The following FYB2 variants were observed in gnomAD, a reference collection of about 807,000 sequenced individuals.
FYB2 encodes the protein FYN-binding protein 2.
A neutral mutation model predicts 94.1 loss-of-function variants in FYB2; 103 were observed. The ratio of observed to expected loss-of-function variants is 1.09; its 90% CI spans 0.93 to 1.29. FYB2 has a LOEUF of 1.29. FYB2 is among the 50% of genes most tolerant of loss of function. The pLI, the probability that FYB2 is intolerant of heterozygous loss-of-function variation, is 0.00. For synonymous variants in FYB2, 293 were observed against 287.9 expected (o/e 1.02, Z -0.18); for missense variants, 896 against 841.5 (o/e 1.06, Z -0.80).
chr1:56,774,600 G>A (rs192873197), intron 4 of FYB2, among the ~76,000 whole-genome samples: 13 of 151,836 alleles, frequency 8.6e-5, no homozygotes, highest in South Asian at 4.2e-4. Context: ...ATAAATATAC[G>A]TACATGTATA....
intron 15 of FYB2, among the ~76,000 whole-genome samples, chr1:56,735,367 T>C (rs1644807232): frequency 6.6e-6 from 1 of 152,100 alleles, no homozygotes; most frequent in Admixed American, 6.6e-5. Context: ...AATAGAAAGT[T>C]AAGCACGACA....
chr1:56,825,266 G>C, the FYB2 span: 1 of 152,200 alleles, frequency 6.6e-6, no homozygotes, highest in African/African-American at 2.4e-5. Flanking sequence ...CTCAGAGAAA[G>C]GATTTCATCA....
chr1:56,719,744 A>T, intron 19 of FYB2, 52 bp from the exon 20 acceptor site: 1 of 1,414,660 alleles, frequency 7.1e-7, no homozygotes, highest in Non-Finnish European at 9.8e-7. Context: ...ACAATGAAAC[A>T]GTTGAGTGGG....
At chr1:56,734,886 T>G (rs1329882608) in intron 15 of FYB2, among the ~76,000 whole-genome samples, 6 of 151,762 alleles carry the variant, frequency 4.0e-5, no homozygotes. Flanking sequence ...ACCAGGGAAA[T>G]GCAAATCAAA....
At chr1:56,817,557 C>A (rs1342155350) in intron 1 of FYB2, among the ~76,000 whole-genome samples, 1 of 152,194 alleles carries the variant, frequency 6.6e-6, no homozygotes, top group Non-Finnish European at 1.5e-5. Context: ...AGGCAGGTAT[C>A]TTCAACCGTT....
chr1:56,793,696 A>T (rs1335007227), intron 1 of FYB2, among the ~76,000 whole-genome samples: 4 of 147,088 alleles, frequency 2.7e-5, no homozygotes, highest in Non-Finnish European at 6.0e-5. Flanking sequence ...TTACCCATGT[A>T]ACAAACATGT....
intron 1 of FYB2, among the ~76,000 whole-genome samples, chr1:56,804,964 A>T (rs1646608585): frequency 6.6e-6 from 1 of 152,120 alleles, no homozygotes; most frequent in South Asian, 2.1e-4. Flanking sequence ...GCCTCTGTGC[A>T]TCTGCTGTTG....
chr1:56,734,540 A>G (rs1444163948), intron 15 of FYB2, among the ~76,000 whole-genome samples: 2 of 152,066 alleles, frequency 1.3e-5, no homozygotes, highest in African/African-American at 4.8e-5. Context: ...GGAAACCATC[A>G]TCCTCAGCAA....
intron 4 of FYB2, among the ~76,000 whole-genome samples, chr1:56,782,151 A>C (rs935541550): frequency 1.3e-5 from 2 of 152,170 alleles, no homozygotes; most frequent in African/African-American, 4.8e-5. Context: ...TTTGAAATGT[A>C]CAATAGATTA....
At chr1:56,768,150 C>A (rs150318615) in intron 4 of FYB2, among the ~76,000 whole-genome samples, 64 of 152,162 alleles carry the variant, frequency 4.2e-4, no homozygotes, top group Non-Finnish European at 7.1e-4. Context: ...TTATACAGTC[C>A]ACACAGAAAT....
At chr1:56,772,204 C>T (rs1462871638) in intron 4 of FYB2, among the ~76,000 whole-genome samples, 2 of 151,894 alleles carry the variant, frequency 1.3e-5, no homozygotes, top group South Asian at 4.2e-4. Flanking sequence ...TAATAAGAAA[C>T]AATTTGGGGA....
chr1:56,719,539 T>C lies in FYB2; in HGVS notation c.*132A>G. ...TTGTTTTTATTTTTCTCTTTTAAGT[T>C]CAGAACGAAAGTTTCCACAGATTCC... On this transcript the variant is annotated 3_prime_UTR_variant, in exon 20 of 20. Transcript: ENST00000343433. The C allele has an allele frequency of 1.3e-6, 1 of 754,368 alleles. No homozygotes were observed. The highest frequency in any genetic ancestry group is 2.1e-6 in the Non-Finnish European group (1 of 479,816). 46.7% of individuals were successfully genotyped at this position (754,368 alleles called of 1,614,324 possible).
intron 5 of FYB2, among the ~76,000 whole-genome samples, chr1:56,759,119 T>C (rs1645426536): frequency 6.6e-6 from 1 of 152,212 alleles, no homozygotes. Context: ...TTCAACAAAA[T>C]GAATTCTCTA....
Position 56,751,046 on chromosome 1 carries a change from TG to T in FYB2, c.1384del (p.His462ThrfsTer17). ...GATCAGAAAGAAATGCAACTTACAG[TG>T]GCCTTGGGAGTGCCTGGCCAGCTTT... Reference protein sequence around the residue: ...GPKLARHSQGHCGHLEVLEST... With the variant: ...GPKLARHSQGXCGHLEVLEST... On this transcript the variant is annotated frameshift_variant, in exon 9 of 20. Coordinates refer to ENST00000343433, the MANE Select transcript of FYB2 (RefSeq NM_001004303.5). LOFTEE classifies it high-confidence loss of function. 6.2e-7 allele frequency: 1 copy of T among 1,610,330 alleles called. No homozygotes were observed. The highest frequency in any genetic ancestry group is 8.5e-7 in the Non-Finnish European group (1 of 1,177,958).
At chr1:56,738,326 C>T (rs1644875460) in intron 14 of FYB2, among the ~76,000 whole-genome samples, 2 of 152,148 alleles carry the variant, frequency 1.3e-5, no homozygotes, top group South Asian at 2.1e-4. Context: ...AATACAAATC[C>T]TGGATCACTT....
chr1:56,726,385 G>T, intron 16 of FYB2, 112 bp downstream of exon 16: 2 of 894,004 alleles, frequency 2.2e-6, no homozygotes, highest in Non-Finnish European at 3.5e-6. Flanking sequence ...TTCTCATCTT[G>T]TAGATGAAAC....
intron 1 of FYB2, among the ~76,000 whole-genome samples, chr1:56,795,638 C>CTG (rs545166474): frequency 4.1e-5 from 6 of 147,806 alleles, no homozygotes; most frequent in Non-Finnish European, 9.0e-5. Context: ...TTCACCAACA[C>CTG]TTTTTTTTTT....
At chr1:56,774,187 T>C (rs569174185) in intron 4 of FYB2, among the ~76,000 whole-genome samples, 2 of 152,220 alleles carry the variant, frequency 1.3e-5, no homozygotes, top group East Asian at 3.9e-4. Context: ...AATCAATGAA[T>C]CAGTAGAGCA....
At position 56,751,059 on chromosome 1, in the gene FYB2, G is replaced by A; in HGVS notation, c.1372C>T (p.His458Tyr). Reference protein sequence around the residue: ...PCPEGPKLARHSQGHCGHLEV... With the variant: ...PCPEGPKLARYSQGHCGHLEV... The stretch of plus-strand genomic sequence containing the variant: ...TGCAACTTACAGTGGCCTTGGGAGT[G>A]CCTGGCCAGCTTTGGGCCCTCAGGG... Residue 458 changes from histidine to tyrosine, a missense_variant, in exon 9 of 20, where the codon CAC becomes TAC. His to Tyr is a moderately conservative substitution (Grantham distance 83). Coordinates refer to ENST00000343433, the MANE Select transcript of FYB2 (RefSeq NM_001004303.5). 2.5e-6 allele frequency: 4 copies of A among 1,612,442 alleles called. No individual in the cohort carries two copies. The highest frequency in any genetic ancestry group is 3.4e-6 in the Non-Finnish European group (4 of 1,179,014).
Sources: allele counts gnomAD v4.1 joint callset (sites outside exome capture counted in the v4.1 genomes callset), GRCh38; gene constraint gnomAD v4.1.1; transcripts MANE v1.5; gene names NCBI Gene and HGNC (gene_info 2026-07-23, HGNC 2026-07-21).